Variants in ICE1 observed in about 807,000 individuals in gnomAD.
ICE1 encodes interactor of little elongation complex ELL subunit 1.
Under a neutral mutation model 192.7 loss-of-function variants are expected in ICE1, and 64 were observed. The ratio of observed to expected loss-of-function variants is 0.33; its 90% CI spans 0.27 to 0.41. The LOEUF (loss-of-function observed/expected upper bound fraction) is 0.41, where lower values mean the gene tolerates loss of function less well. Among genes scored for constraint, ICE1 ranks in the 10% least tolerant of loss-of-function variants. ICE1 has a pLI of 1.00. For synonymous variants in ICE1, 1,010 were observed against 984.5 expected, an observed-to-expected ratio of 1.03 and a Z score of -0.49; for missense variants, 2,708 against 2,696.0, an observed-to-expected ratio of 1.00 and a Z score of -0.10.
At chr5:5,445,684 G>C (rs966506453) in intron 7 of ICE1, among the ~76,000 whole-genome samples, 2 of 151,814 alleles carry the variant, frequency 1.3e-5, no homozygotes, top group African/African-American at 4.8e-5. Flanking sequence ...AAAGTGCTAG[G>C]ATTACAGGTG....
intron 1 of ICE1, among the ~76,000 whole-genome samples, chr5:5,435,673 G>GTTTGT (rs1737850698): frequency 2.7e-4 from 16 of 59,300 alleles, no homozygotes; most frequent in Admixed American, 4.1e-4. Flanking sequence ...TTTTTTTTTT[G>GTTTGT]TTTTGTTTTT....
chr5:5,480,203 T>C (rs1739459485), intron 17 of ICE1, among the ~76,000 whole-genome samples: 1 of 152,140 alleles, frequency 6.6e-6, no homozygotes, highest in Non-Finnish European at 1.5e-5. Flanking sequence ...CCTTAGATAC[T>C]TTGAAGATAA....
intron 16 of ICE1, among the ~76,000 whole-genome samples, chr5:5,475,155 C>T (rs1337366921): frequency 5.3e-5 from 8 of 152,224 alleles, no homozygotes; most frequent in South Asian, 2.1e-4. Flanking sequence ...GGCTGGTGCC[C>T]GTCAAAGATG....
chr5:5,433,460 G>T (rs552631159), intron 1 of ICE1, among the ~76,000 whole-genome samples: 9 of 152,014 alleles, frequency 5.9e-5, no homozygotes, highest in Non-Finnish European at 1.0e-4. Flanking sequence ...GCTTTCTTGG[G>T]TGCTAAATCA....
Position 5,436,492 on chromosome 5 carries a change from T to C in ICE1, c.143+16T>C, listed in dbSNP as rs1387813686. ...TCAATACAGAGTAAGTATATTTGCA[T>C]GTCGTTTGGCAGAACTTTGTAAACC... is the stretch of plus-strand genomic sequence containing the variant. On this transcript the variant is annotated intron_variant, in intron 2 of 18. Transcript: ENST00000296564. 2.1e-6 allele frequency: 3 copies of C among 1,428,438 alleles called. No individual in the cohort carries two copies. The highest frequency in any genetic ancestry group is 1.5e-5 in the South Asian group (1 of 67,500). 88.5% of individuals were successfully genotyped at this position (1,428,438 alleles called of 1,614,324 possible). A position where few individuals can be genotyped will look rare whatever the true frequency, so the allele number is the denominator to read the frequency against.
rs1738942002 is a variant in ICE1 at position 5,465,039 on chromosome 5, T to C, written c.5705T>C (p.Leu1902Ser). Residue 1902 changes from leucine (L) to serine (S), a missense_variant, in exon 13 of 19, where the codon TTA becomes TCA. Leu to Ser is a moderately radical substitution (Grantham distance 145). This residue lies in a region of ICE1 where 2,366 missense variants were observed against 2,276.6 expected (regional missense o/e 1.04). Coordinates refer to ENST00000296564, the MANE Select transcript of ICE1 (RefSeq NM_015325.3). ...PAVSAVSQLP[L>S]SPKETVESHD... ...GTCAGTGCAGTTTCACAGTTGCCTT[T>C]AAGCCCAAAAGAAACTGTGGAGTCC... The C allele has an allele frequency of 6.2e-7, 1 of 1,613,844 alleles. No homozygotes were observed. The highest frequency in any genetic ancestry group is 8.5e-7 in the Non-Finnish European group (1 of 1,179,876).
chr5:5,467,758 T>G (rs1261899911), intron 14 of ICE1, among the ~76,000 whole-genome samples: 1 of 152,188 alleles, frequency 6.6e-6, no homozygotes, highest in Non-Finnish European at 1.5e-5. Flanking sequence ...TTCTTAGATG[T>G]GTCAGTGATA....
At chr5:5,472,983 A>C (rs970505860) in intron 15 of ICE1, among the ~76,000 whole-genome samples, 4 of 152,338 alleles carry the variant, frequency 2.6e-5, no homozygotes, top group African/African-American at 9.6e-5. Flanking sequence ...ACAGTAGTCA[A>C]AAGTGAATTG....
At chr5:5,480,943 C>G (rs1739485981) in intron 17 of ICE1, among the ~76,000 whole-genome samples, 1 of 152,170 alleles carries the variant, frequency 6.6e-6, no homozygotes, top group Admixed American at 6.5e-5. Flanking sequence ...ATGTGGTGTA[C>G]AGGTTCAAAA....
At position 5,463,766 on chromosome 5, in the gene ICE1, C is replaced by A. The variant is rs1348705439; in HGVS notation, c.4432C>A (p.Pro1478Thr). Residue 1478 changes from proline (P) to threonine (T), a missense_variant, in exon 13 of 19, where the codon CCT becomes ACT. Coordinates refer to ENST00000296564, the MANE Select transcript of ICE1 (RefSeq NM_015325.3). Reference protein sequence around the residue: ...EKSPEASHTGPAFQEAPCGNN... With the variant: ...EKSPEASHTGTAFQEAPCGNN... ...GTCCCCAGAGGCCAGTCACACTGGC[C>A]CTGCATTTCAGGAGGCTCCATGTGG... 5 of 1,613,902 alleles carry A rather than the reference C, an allele frequency of 3.1e-6. No individual in the cohort carries two copies.
rs911102839 is a variant in ICE1 at position 5,449,845 on chromosome 5, G to A, written c.604+1948G>A. Among the ~76,000 whole-genome samples the A allele has an allele frequency of 1.5e-4, 23 of 152,240 alleles. No individual in the cohort carries two copies. In the South Asian group the frequency reaches 3.5e-3, roughly 23 times the overall value. The stretch of plus-strand genomic sequence containing the variant: ...GTGGGCGTGGATATCAGAAAATTGG[G>A]TAATTATGGCCACTTTAAGGGCTAG... On this transcript the variant is annotated intron_variant, in intron 10 of 18. Transcript: ENST00000296564.
chr5:5,442,680 A>G (rs1738084461), intron 5 of ICE1, among the ~76,000 whole-genome samples: 2 of 152,168 alleles, frequency 1.3e-5, no homozygotes, highest in South Asian at 2.1e-4. Context: ...AGAAATGTAT[A>G]GTTATCATAC....
chr5:5,441,464 A>C (rs1416626769), intron 5 of ICE1, among the ~76,000 whole-genome samples: 1 of 152,200 alleles, frequency 6.6e-6, no homozygotes, highest in African/African-American at 2.4e-5. Context: ...GTCAGCAGAA[A>C]ATGCTTCTCA....
At chr5:5,484,337 C>T (rs1739580374) in intron 17 of ICE1, among the ~76,000 whole-genome samples, 1 of 152,160 alleles carries the variant, frequency 6.6e-6, no homozygotes, top group African/African-American at 2.4e-5. Context: ...TGATATATTT[C>T]CTGGGAACGC....
At chr5:5,430,042 A>G (rs1737653015) in intron 1 of ICE1, among the ~76,000 whole-genome samples, 1 of 152,234 alleles carries the variant, frequency 6.6e-6, no homozygotes. Flanking sequence ...TATATAATAG[A>G]AGCTCTAGAA....
In ICE1 at chr5:5,462,602, C is replaced by G; in HGVS notation, c.3268C>G (p.Leu1090Val). 6.2e-7 allele frequency: 1 copy of G among 1,613,958 alleles called. No homozygotes were observed. The highest frequency in any genetic ancestry group is 8.5e-7 in the Non-Finnish European group (1 of 1,179,886). Residue 1090 changes from leucine to valine, a missense_variant, in exon 13 of 19, where the codon CTG becomes GTG. Leu to Val is a conservative substitution (Grantham distance 32). Transcript: ENST00000296564. ...GACACAGGATACCTCCCAAAGTAGC[C>G]TGCCTGGTACCTTACATTGTTACAC... The part of the protein sequence containing the change: ...GETQDTSQSS[L>V]PGTLHCYTGI...
At chr5:5,430,828 G>T (rs1021796247) in intron 1 of ICE1, among the ~76,000 whole-genome samples, 3 of 152,152 alleles carry the variant, frequency 2.0e-5, no homozygotes, top group Non-Finnish European at 4.4e-5. Context: ...GGTGTTTTCT[G>T]CATGGTTTCT....
intron 11 of ICE1, among the ~76,000 whole-genome samples, chr5:5,454,953 A>G (rs918991625): frequency 1.2e-4 from 19 of 152,232 alleles, no homozygotes; most frequent in Non-Finnish European, 2.4e-4. Context: ...AATTTGATCA[A>G]TCTGTGAGCA....
Position 5,460,753 on chromosome 5 carries a change from T to C in ICE1, c.1419T>C (p.Asp473=). 1.2e-6 allele frequency: 2 copies of C among 1,613,980 alleles called. No homozygotes were observed. The highest frequency in any genetic ancestry group is 1.7e-6 in the Non-Finnish European group (2 of 1,179,890). Residue 473 remains aspartate (D), a synonymous_variant, in exon 13 of 19, where the codon GAT becomes GAC. Transcript: ENST00000296564. ...CCACAGCATCTCGATCCATGAGTGA[T>C]AGAAAAAGAGACATTTTACATGAGA... ...HWTTASRSMS[D]RKRDILHETK... is the part of the protein sequence containing the mutation.
Sources: gnomAD v4.1 joint callset for allele counts (sites outside exome capture counted in the v4.1 genomes callset) on GRCh38, gnomAD v4.1.1 for gene constraint, gnomAD v4.1.1 regional missense constraint, MANE v1.5 for transcripts, NCBI Gene and HGNC (gene_info 2026-07-23, HGNC 2026-07-21) for gene names.